The following ATF7 variants were observed in gnomAD, a reference collection of about 807,000 sequenced individuals.
ATF7 encodes the protein cyclic AMP-dependent transcription factor ATF-7.
A neutral mutation model predicts 50.4 loss-of-function variants in ATF7; 10 were observed. The ratio of observed to expected loss-of-function variants is 0.20; its 90% CI spans 0.12 to 0.34. ATF7 has a LOEUF of 0.34. Ranked by LOEUF, ATF7 falls within the 10% of genes least tolerant of loss-of-function variation. ATF7 has a pLI of 1.00. For missense variants in ATF7, 465 were observed against 613.9 expected, an observed-to-expected ratio of 0.76 and a Z score of 2.56; for synonymous variants, 201 against 226.4, an observed-to-expected ratio of 0.89 and a Z score of 1.01.
At chr12:53,559,514 A>C (rs569937594) in intron 2 of ATF7, among the ~76,000 whole-genome samples, 2 of 152,082 alleles carry the variant, frequency 1.3e-5, no homozygotes, top group African/African-American at 2.4e-5. Flanking sequence ...CCCTGTCTCT[A>C]CAAGAAATAC....
At chr12:53,531,269 A>G (rs1032306546) in intron 9 of ATF7, among the ~76,000 whole-genome samples, 3 of 151,986 alleles carry the variant, frequency 2.0e-5, no homozygotes, top group Non-Finnish European at 4.4e-5. Flanking sequence ...AAAAATACAA[A>G]AAATTAGCTG....
chr12:53,568,225 C>A lies in ATF7; in HGVS notation c.49-15588G>T, dbSNP rs569619480. Among the ~76,000 whole-genome samples the A allele has an allele frequency of 2.6e-5, 4 of 152,272 alleles. No homozygotes were observed. In the South Asian group the frequency reaches 6.2e-4, roughly 24 times the overall value. ...AGTACTGAGACCACAATAACAAAAA[C>A]CCTGCCCTGATCTTTAAGGCCTTAT... On this transcript the variant is annotated intron_variant, in intron 2 of 11. Coordinates refer to ENST00000420353, the MANE Select transcript of ATF7 (RefSeq NM_006856.3).
intron 2 of ATF7, among the ~76,000 whole-genome samples, chr12:53,578,140 C>T (rs1179415696): frequency 1.3e-5 from 2 of 152,100 alleles, no homozygotes; most frequent in East Asian, 1.9e-4. Flanking sequence ...AATCCCAGCA[C>T]GGCAGATGGA....
Position 53,624,366 on chromosome 12 carries a change from T to C in ATF7, c.-22+1913A>G, listed in dbSNP as rs77464727. Among the ~76,000 whole-genome samples the C allele has an allele frequency of 8.3e-3, 1,263 of 152,366 alleles. 13 individuals are homozygous for C. The highest frequency in any genetic ancestry group is 0.029 in the African/African-American group (1,198 of 41,588). On this transcript the variant is annotated intron_variant, in intron 1 of 11. Transcript: ENST00000420353. ...CGTACTCTGGTTTCTCTTCATGTAA[T>C]AGCTTTACTGATATTTCAGACATTA...
At chr12:53,580,657 C>A (rs1283650553) in intron 2 of ATF7, among the ~76,000 whole-genome samples, 1 of 131,880 alleles carries the variant, frequency 7.6e-6, no homozygotes, top group Non-Finnish European at 1.6e-5. Context: ...GAGCGAGACT[C>A]CATCTCAAAA....
chr12:53,552,690 C>T (rs925090024), intron 2 of ATF7, 53 bp from the exon 3 acceptor site: 11 of 1,394,106 alleles, frequency 7.9e-6, no homozygotes, highest in South Asian at 2.4e-5. Context: ...AAACCCGATT[C>T]GGTGCCCTTT....
chr12:53,526,417 TCTTC>T (rs1229868628), intron 9 of ATF7, among the ~76,000 whole-genome samples: 2 of 147,460 alleles, frequency 1.4e-5, no homozygotes, highest in African/African-American at 2.7e-5. Context: ...ATATATTGTC[TCTTC>T]CTTATGATTT....
Position 53,524,727 on chromosome 12 carries a change from C to A in ATF7, c.962G>T (p.Gly321Val). ...TTCATCTACTGTGCGCCGCCGTCGC[C>A]CCCCAGTACTAGGGGTGGGCTGAGC... ...SPAQPTPSTGGRRRRTVDEDP... is the reference protein window; with the variant it reads ...SPAQPTPSTGVRRRRTVDEDP... Residue 321 changes from glycine (G) to valine (V), a missense_variant, in exon 10 of 12, where the codon GGG (glycine) becomes GTG (valine). Coordinates refer to ENST00000420353, the MANE Select transcript of ATF7 (RefSeq NM_006856.3). The surrounding 1 kb of genome is among the most constrained non-coding windows in gnomAD (Gnocchi z 4.6). 2 of 1,611,558 alleles carry A rather than the reference C, an allele frequency of 1.2e-6. No individual in the cohort carries two copies. The highest frequency in any genetic ancestry group is 1.7e-6 in the Non-Finnish European group (2 of 1,179,192).
chr12:53,559,747 A>G (rs1940988581), intron 2 of ATF7, among the ~76,000 whole-genome samples: 1 of 151,648 alleles, frequency 6.6e-6, no homozygotes, highest in Admixed American at 6.6e-5. Context: ...TTAAATTTGC[A>G]TAAACCTGTG....
At chr12:53,576,595 G>T (rs958151010) in intron 2 of ATF7, among the ~76,000 whole-genome samples, 3 of 152,166 alleles carry the variant, frequency 2.0e-5, no homozygotes, top group African/African-American at 7.2e-5. Context: ...AAGATACCAT[G>T]TTGGAAGCAG....
intron 2 of ATF7, among the ~76,000 whole-genome samples, chr12:53,573,662 T>A (rs1024752541): frequency 6.6e-4 from 100 of 152,146 alleles, no homozygotes; most frequent in African/African-American, 2.1e-3. Context: ...TTGGAATGTA[T>A]CCTTGTGAAT....
At chr12:53,540,368 GA>G (rs1305905030) in intron 4 of ATF7, among the ~76,000 whole-genome samples, 1 of 143,588 alleles carries the variant, frequency 7.0e-6, no homozygotes, top group Non-Finnish European at 1.5e-5. Context: ...AAAAAAAAAA[GA>G]AAAAAAAGTA....
At chr12:53,556,365 G>C (rs1940754331) in intron 2 of ATF7, among the ~76,000 whole-genome samples, 1 of 152,216 alleles carries the variant, frequency 6.6e-6, no homozygotes. Context: ...GAGGCAGGTG[G>C]ATCGCTTGAG....
downstream of ATF7, among the ~76,000 whole-genome samples, chr12:53,510,053 T>C (rs1944101299): frequency 1.3e-5 from 2 of 151,962 alleles, no homozygotes. Flanking sequence ...TTTTTTTTTT[T>C]TTTGAGACGG....
At chr12:53,576,245 T>G (rs1242734546) in intron 2 of ATF7, 1 of 152,296 alleles carries the variant, frequency 6.6e-6, no homozygotes, top group Non-Finnish European at 1.5e-5. Flanking sequence ...AAAGAGGCAC[T>G]GAGAGCCTCA....
chr12:53,532,170 G>A (rs1938937651), intron 8 of ATF7, among the ~76,000 whole-genome samples: 1 of 152,130 alleles, frequency 6.6e-6, no homozygotes, highest in South Asian at 2.1e-4. Flanking sequence ...CTCTCCTGGA[G>A]CCTGGCCAAA....
chr12:53,605,703 T>C, intron 1 of ATF7, among the ~76,000 whole-genome samples: 1 of 152,168 alleles, frequency 6.6e-6, no homozygotes, highest in East Asian at 1.9e-4. Flanking sequence ...TTGTGATGTG[T>C]TAGTGACTGG....
In ATF7 at chr12:53,516,717, AG is replaced by A. The variant is rs1937724265; in HGVS notation, c.*419del. 2 of 192,380 alleles carry A rather than the reference AG, an allele frequency of 1.0e-5. No individual in the cohort carries two copies. The highest frequency in any genetic ancestry group is 2.2e-4 in the South Asian group (2 of 9,222). The allele number at this position is 192,380 out of a possible 1,614,324, so 11.9% of individuals were successfully genotyped here. On this transcript the variant is annotated 3_prime_UTR_variant, in exon 12 of 12. Transcript: ENST00000420353. ...CAAATCTAGCCTCCCTCTATCTGGC[AG>A]GAAGTGGCATGCTGGTAAGGAACAA...
chr12:53,546,196 AAAACAAAC>A (rs148932395), intron 3 of ATF7, among the ~76,000 whole-genome samples: 8 of 151,478 alleles, frequency 5.3e-5, no homozygotes, highest in Non-Finnish European at 1.0e-4. Context: ...CCATCTCAAA[AAAACAAAC>A]AAACAAACAA....
Sources: allele counts gnomAD v4.1 joint callset (sites outside exome capture counted in the v4.1 genomes callset), GRCh38; gene constraint gnomAD v4.1.1; non-coding constraint Gnocchi (gnomAD v3.1); transcripts MANE v1.5; gene names NCBI Gene and HGNC (gene_info 2026-07-23, HGNC 2026-07-21).